GNAS: variants seen among roughly 807,000 people sequenced by gnomAD.
GNAS encodes GNAS complex locus.
GNAS carries 8 observed loss-of-function variants against 54.5 expected under a neutral mutation model. The observed-to-expected ratio is 0.15, with a 90% CI of 0.09 to 0.26. GNAS has a LOEUF of 0.26. GNAS is among the 10% of genes least tolerant of loss of function. The pLI, the probability that GNAS is intolerant of heterozygous loss-of-function variation, is 1.00. For missense variants in GNAS, 170 were observed against 529.8 expected, an observed-to-expected ratio of 0.32 and a Z score of 6.67; for synonymous variants, 204 against 191.4, an observed-to-expected ratio of 1.07 and a Z score of -0.54.
rs1266225828 is a variant in GNAS, at chr20:58,891,602, C to G, written c.-125C>G. ...CGCAGTCCGCCCCGCGCGCTCCTTG[C>G]CGAGGAGCCGAGCCCGCGCCCGGCC... On this transcript the variant is annotated 5_prime_UTR_variant, in exon 1 of 13. Coordinates refer to ENST00000371085, the MANE Select transcript of GNAS (RefSeq NM_000516.7). 6.2e-6 allele frequency: 6 copies of G among 970,904 alleles called. No homozygotes were observed. In the East Asian group the frequency reaches 6.1e-4, roughly 98 times the overall value. 60.1% of individuals were successfully genotyped at this position (970,904 alleles called of 1,614,324 possible).
At chr20:58,879,956 A>G (rs533420787) in intron 1 of GNAS, among the ~76,000 whole-genome samples, 10 of 152,264 alleles carry the variant, frequency 6.6e-5, no homozygotes, top group African/African-American at 2.4e-4. Flanking sequence ...AAAAATTTCC[A>G]TGATTCTGTT....
At chr20:58,893,734 G>A (rs756338186) in intron 1 of GNAS, among the ~76,000 whole-genome samples, 10 of 152,200 alleles carry the variant, frequency 6.6e-5, no homozygotes, top group Non-Finnish European at 1.3e-4. Context: ...ATTAGTATGC[G>A]TATAACTTGA....
chr20:58,870,565 A>G (rs1001065426), intron 1 of GNAS, among the ~76,000 whole-genome samples: 10 of 152,190 alleles, frequency 6.6e-5, no homozygotes, highest in Non-Finnish European at 4.4e-5. Flanking sequence ...AAAAAGCCCC[A>G]TGTTTCCAGG....
intron 1 of GNAS, among the ~76,000 whole-genome samples, chr20:58,868,448 C>T (rs2087203386): frequency 6.6e-6 from 1 of 151,832 alleles, no homozygotes; most frequent in African/African-American, 2.4e-5. Flanking sequence ...ACCACCGCAG[C>T]CAGCTTTTTT....
In GNAS at chr20:58,841,989, C is replaced by G; in HGVS notation, c.43+1103C>G. Reference sequence around the variant, plus strand: ...GCAGAGCTGGGGAAAGGTGTTGGATCCGGCGCCAGTCCTTGGACGATCAGT... The same window carrying G: ...GCAGAGCTGGGGAAAGGTGTTGGATGCGGCGCCAGTCCTTGGACGATCAGT... On this transcript the variant is annotated intron_variant, in intron 1 of 12. Coordinates refer to the GNAS transcript ENST00000306090. This position sits in a 1 kb window ranked among gnomAD's most constrained non-coding sequence, Gnocchi z 5.0. 1.0e-6 allele frequency: 1 copy of G among 957,938 alleles called. No individual in the cohort carries two copies. 59.3% of individuals were successfully genotyped at this position (957,938 alleles called of 1,614,324 possible).
Position 58,840,912 on chromosome 20 carries a change from G to A in GNAS, c.43+26G>A, listed in dbSNP as rs41305799. The A allele has an allele frequency of 0.029, 46,551 of 1,609,866 alleles. 817 individuals are homozygous for A. Among genetic ancestry groups the A allele is most frequent in the South Asian group, 0.041 (3,690 of 90,634 alleles). On this transcript the variant is annotated intron_variant, in intron 1 of 12. Coordinates refer to the GNAS transcript ENST00000306090. The surrounding 1 kb of genome is among the most constrained non-coding windows in gnomAD (Gnocchi z 6.0). ...GTTAGTTGCCCACCGCTAAACTGGG[G>A]AGCCTGAGGGCGGTGTGGGAGCAGC... is the stretch of plus-strand genomic sequence containing the variant.
intron 3 of GNAS, chr20:58,899,568 A>G (rs2090397273): frequency 9.3e-6 from 5 of 538,004 alleles, no homozygotes; most frequent in Non-Finnish European, 1.7e-5. Flanking sequence ...CTTGGTGGAT[A>G]AGGAAATTCA....
At chr20:58,849,432 T>C (rs1408116407) in intron 1 of GNAS, among the ~76,000 whole-genome samples, 1 of 152,226 alleles carries the variant, frequency 6.6e-6, no homozygotes, top group Non-Finnish European at 1.5e-5. Context: ...CCTAAAGAGT[T>C]TTCTCTGACT....
rs753478853 is a variant in GNAS at position 58,873,676 on chromosome 20, G to A, written c.44-21936G>A. Among the ~76,000 whole-genome samples the A allele has an allele frequency of 7.9e-5, 12 of 152,196 alleles. No individual in the cohort carries two copies. Among genetic ancestry groups the A allele is most frequent in the Non-Finnish European group, 1.2e-4 (8 of 68,040 alleles). On this transcript the variant is annotated intron_variant, in intron 1 of 12. Coordinates refer to the GNAS transcript ENST00000306090. The surrounding 1 kb of genome is among the most constrained non-coding windows in gnomAD (Gnocchi z 4.3). ...AAGGACGAATCCTTGCCTGGTCGGT[G>A]AGTTTGCCTCAATTCGGGCATTTTC... is the stretch of plus-strand genomic sequence containing the variant.
intron 1 of GNAS, among the ~76,000 whole-genome samples, chr20:58,866,246 C>A (rs2087058080): frequency 6.6e-6 from 1 of 152,192 alleles, no homozygotes; most frequent in African/African-American, 2.4e-5. Context: ...TATAAACTTT[C>A]AGCAACTGAT....
chr20:58,857,087 A>ACTTT lies in GNAS; in HGVS notation c.43+16204_43+16207dup, dbSNP rs2086555006. The stretch of plus-strand genomic sequence containing the variant: ...TAATTTTTACATTTTATTCTCTAAG[A>ACTTT]CTTTCTCTAAGACCTTCCAAGGGAT... On this transcript the variant is annotated intron_variant, in intron 1 of 12. Coordinates refer to the GNAS transcript ENST00000306090. The surrounding 1 kb of genome is among the most constrained non-coding windows in gnomAD (Gnocchi z 4.1). 6.6e-6 allele frequency: 1 copy of ACTTT among 152,164 alleles called. No homozygotes were observed. Among genetic ancestry groups the ACTTT allele is most frequent in the African/African-American group, 2.4e-5 (1 of 41,432 alleles). 9.4% of individuals were successfully genotyped at this position (152,164 alleles called of 1,614,324 possible).
chr20:58,854,326 T>G (rs774314171), intron 1 of GNAS: 3 of 1,595,510 alleles, frequency 1.9e-6, no homozygotes, highest in Non-Finnish European at 2.6e-6. Context: ...AGACCCCCAG[T>G]TGAGGAGGAA....
intron 1 of GNAS, among the ~76,000 whole-genome samples, chr20:58,893,795 C>T (rs2089764101): frequency 6.6e-6 from 1 of 152,226 alleles, no homozygotes; most frequent in Admixed American, 6.5e-5. Context: ...TGAATGCTAT[C>T]TCAGTACTAC....
rs1031102685 is a variant in GNAS, at chr20:58,856,714, A to C, written c.43+15828A>C. The stretch of plus-strand genomic sequence containing the variant: ...TGCAAATTGGCTCTGGATACAAAAA[A>C]TATATAAAGGTATTTTGATTACAGA... On this transcript the variant is annotated intron_variant, in intron 1 of 12. Transcript: ENST00000306090. This position sits in a 1 kb window ranked among gnomAD's most constrained non-coding sequence, Gnocchi z 4.2. 41 of 152,216 alleles carry C rather than the reference A, an allele frequency of 2.7e-4. No homozygotes were observed. The highest frequency in any genetic ancestry group is 5.2e-4 in the Admixed American group (8 of 15,278). 9.4% of individuals were successfully genotyped at this position (152,216 alleles called of 1,614,324 possible).
intron 1 of GNAS, chr20:58,855,292 A>G: frequency 6.3e-7 from 1 of 1,583,900 alleles, no homozygotes; most frequent in Non-Finnish European, 8.6e-7. Context: ...CTCCAGGACG[A>G]AAAGATGGGC....
intron 1 of GNAS, among the ~76,000 whole-genome samples, chr20:58,852,047 G>A (rs1174918573): frequency 6.6e-6 from 1 of 151,970 alleles, no homozygotes; most frequent in African/African-American, 2.4e-5. Context: ...AGCAGGACCT[G>A]CGAAACTCTG....
upstream of GNAS, among the ~76,000 whole-genome samples, chr20:58,891,034 G>T (rs1161335264): frequency 6.6e-6 from 1 of 151,170 alleles, no homozygotes; most frequent in Admixed American, 6.6e-5. Context: ...ACGCGGTCCG[G>T]GGGGTGGAGC....
intron 1 of GNAS, chr20:58,854,594 C>T (rs543254642): frequency 1.2e-5 from 19 of 1,543,854 alleles, no homozygotes; most frequent in Admixed American, 1.9e-5. Flanking sequence ...ATCCCGACTC[C>T]GGGGCGGCCC....
chr20:58,859,454 C>T (rs1568934228), intron 1 of GNAS, among the ~76,000 whole-genome samples: 1 of 151,986 alleles, frequency 6.6e-6, no homozygotes, highest in African/African-American at 2.4e-5. Flanking sequence ...TACCCAGCCT[C>T]CCAAAGTACT....
Sources: gnomAD v4.1 joint callset for allele counts (sites outside exome capture counted in the v4.1 genomes callset) on GRCh38, gnomAD v4.1.1 for gene constraint, Gnocchi (gnomAD v3.1) non-coding constraint, MANE v1.5 for transcripts, NCBI Gene and HGNC (gene_info 2026-07-23, HGNC 2026-07-21) for gene names.